FLCN: variants seen among roughly 807,000 people sequenced by gnomAD.
FLCN encodes BHD skin lesion fibrofolliculoma protein.
Under a neutral mutation model 62.5 loss-of-function variants are expected in FLCN, and 22 were observed. The observed-to-expected ratio is 0.35, with a 90% CI of 0.25 to 0.50. FLCN has a LOEUF of 0.50. FLCN is among the 20% of genes least tolerant of loss of function. The pLI is 0.97. For missense variants in FLCN, 657 were observed against 778.0 expected (o/e 0.84, Z 1.85); for synonymous variants, 319 against 310.0 (o/e 1.03, Z -0.30).
chr17:17,213,602 T>C lies in FLCN; in HGVS notation c.*53A>G. ...CAAGGGACAGTCCCTCTCACGGGGC[T>C]GGAGGATCCTGTGGACAGCCATCCC... On this transcript the variant is annotated 3_prime_UTR_variant, in exon 14 of 14. Coordinates refer to ENST00000285071, the MANE Select transcript of FLCN (RefSeq NM_144997.7). 8 of 1,609,806 alleles carry C rather than the reference T, an allele frequency of 5.0e-6. No homozygotes were observed. The highest frequency in any genetic ancestry group is 6.8e-6 in the Non-Finnish European group (8 of 1,176,246).
intron 6 of FLCN, 111 bp from the exon 7 acceptor site, chr17:17,222,772 C>T (rs748031353): frequency 7.9e-7 from 1 of 1,263,930 alleles, no homozygotes; most frequent in East Asian, 2.4e-5. Context: ...ATCAGTCCCA[C>T]TATACTCTCT....
chr17:17,215,104 CA>C lies in FLCN; in HGVS notation c.1433-15del, dbSNP rs745790223. The C allele has an allele frequency of 1.2e-6, 2 of 1,613,910 alleles. No individual in the cohort carries two copies. The highest frequency in any genetic ancestry group is 4.5e-5 in the East Asian group (2 of 44,844). ...TGGTGGGGCCCACTGGGGAGAAGGG[CA>C]GGGGCAGAGCAAGGGCAGGCGTTAG... is the stretch of plus-strand genomic sequence containing the variant. On this transcript the variant is annotated splice_polypyrimidine_tract_variant and intron_variant, in intron 12 of 13. Coordinates refer to ENST00000285071, the MANE Select transcript of FLCN (RefSeq NM_144997.7).
chr17:17,226,132 A>C (rs2047239911), intron 5 of FLCN, 44 bp downstream of exon 5: 4 of 1,613,274 alleles, frequency 2.5e-6, no homozygotes, highest in Non-Finnish European at 3.4e-6. Flanking sequence ...ACCTGGGAGC[A>C]TGTGGGCTCC....
intron 3 of FLCN, among the ~76,000 whole-genome samples, chr17:17,230,485 G>A (rs1028958695): frequency 4.6e-5 from 7 of 151,372 alleles, no homozygotes; most frequent in African/African-American, 1.7e-4. Context: ...AGCCGAGATC[G>A]CACCACGGCA....
intron 1 of FLCN, among the ~76,000 whole-genome samples, chr17:17,233,633 T>C (rs1179941843): frequency 6.9e-6 from 1 of 145,604 alleles, no homozygotes; most frequent in Non-Finnish European, 1.5e-5. Flanking sequence ...TAGCCGGGCA[T>C]GCCTCTAGTC....
chr17:17,228,205 C>T (rs2047319046), intron 3 of FLCN, 44 bp from the exon 4 acceptor site: 1 of 1,579,778 alleles, frequency 6.3e-7, no homozygotes, highest in Admixed American at 1.7e-5. Context: ...TGCCTATTGA[C>T]TCCATGAAAC....
chr17:17,227,803 G>T, intron 4 of FLCN, 86 bp downstream of exon 4: 1 of 1,596,792 alleles, frequency 6.3e-7, no homozygotes, highest in Non-Finnish European at 8.6e-7. Context: ...GTCACCCCGG[G>T]AGGCCCCGTC....
At position 17,229,999 on chromosome 17, in the gene FLCN, A is replaced by T. The variant is rs1597623309; in HGVS notation, c.-25+1795T>A. On this transcript the variant is annotated intron_variant, in intron 3 of 13. Coordinates refer to ENST00000285071, the MANE Select transcript of FLCN (RefSeq NM_144997.7). ...GCAGCATGAGGCAGTATGCCTTCCT[A>T]ACGAATGCAGGAAAGCCAGAGAAGG... Among the ~76,000 whole-genome samples, 5 of 152,304 alleles carry T rather than the reference A, an allele frequency of 3.3e-5. No individual in the cohort carries two copies. In the South Asian group the frequency reaches 1.0e-3, roughly 32 times the overall value.
At position 17,216,562 on chromosome 17, in the gene FLCN, C is replaced by G; in HGVS notation, c.1177-59G>C. On this transcript the variant is annotated intron_variant, in intron 10 of 13. Coordinates refer to ENST00000285071, the MANE Select transcript of FLCN (RefSeq NM_144997.7). This position sits in a 1 kb window ranked among gnomAD's most constrained non-coding sequence, Gnocchi z 4.0. ...CGAGGAAGCCCTCAGCCCCGGCCAT[C>G]CATGCTCTACTACCCAAACCCCACA... is the stretch of plus-strand genomic sequence containing the variant. 1 of 1,607,234 alleles carries G rather than the reference C, an allele frequency of 6.2e-7. No homozygotes were observed. Among genetic ancestry groups the G allele is most frequent in the Non-Finnish European group, 8.5e-7 (1 of 1,178,288 alleles).
intron 9 of FLCN, chr17:17,217,554 A>G (rs750572460): frequency 3.1e-4 from 109 of 357,118 alleles, no homozygotes; most frequent in Non-Finnish European, 4.8e-4. Context: ...ACCCAGGAGA[A>G]TAAGGGCATC....
Position 17,216,689 on chromosome 17 carries a change from C to G in FLCN, c.1177-186G>C, listed in dbSNP as rs372508505. ...GGGGGAGGGTCCTCCACCACCAGGT[C>G]CCTAACTCTTGTCTGGACCGCCAGT... On this transcript the variant is annotated intron_variant, in intron 10 of 13. Coordinates refer to ENST00000285071, the MANE Select transcript of FLCN (RefSeq NM_144997.7). The surrounding 1 kb of genome is among the most constrained non-coding windows in gnomAD (Gnocchi z 4.0). Among the ~76,000 whole-genome samples the G allele has an allele frequency of 6.6e-6, 1 of 152,182 alleles. No homozygotes were observed. The highest frequency in any genetic ancestry group is 1.9e-4 in the East Asian group (1 of 5,186).
At chr17:17,237,264 G>A (rs1329841141), upstream of FLCN, 4 of 152,218 alleles carry the variant, frequency 2.6e-5, no homozygotes, top group Admixed American at 6.5e-5. Flanking sequence ...CGCGAGGAGA[G>A]CCGGGCCTCC....
chr17:17,221,255 C>G, intron 8 of FLCN: 1 of 1,542,436 alleles, frequency 6.5e-7, no homozygotes, highest in Non-Finnish European at 8.7e-7. Context: ...GACGAGAAGC[C>G]TTTAATCAGC....
In FLCN at chr17:17,221,566, T is replaced by C. The variant is rs780125534; in HGVS notation, c.842A>G (p.Asp281Gly). ...GAGCTTCTCCATCTGGACCAAGGTA[T>C]CCTCGGTCGGAGCACCTTCCAGGAG... Reference protein sequence around the residue: ...EKLLEGAPTEDTLVQMEKLAD... With the variant: ...EKLLEGAPTEGTLVQMEKLAD... Residue 281 changes from aspartate (D) to glycine (G), a missense_variant, in exon 8 of 14, where the codon GAT (aspartate) becomes GGT (glycine). Physicochemically the swap from Asp to Gly is moderately conservative, Grantham distance 94. Coordinates refer to ENST00000285071, the MANE Select transcript of FLCN (RefSeq NM_144997.7). The C allele has an allele frequency of 2.5e-6, 4 of 1,612,268 alleles. No homozygotes were observed. Among genetic ancestry groups the C allele is most frequent in the Non-Finnish European group, 3.4e-6 (4 of 1,179,994 alleles).
intron 3 of FLCN, among the ~76,000 whole-genome samples, chr17:17,229,720 T>C (rs1024422240): frequency 3.3e-5 from 5 of 152,160 alleles, no homozygotes; most frequent in African/African-American, 4.8e-5. Context: ...TGCAGAACAA[T>C]GATGAAGTCA....
chr17:17,233,351 A>C (rs2047477559), intron 1 of FLCN, among the ~76,000 whole-genome samples: 1 of 152,050 alleles, frequency 6.6e-6, no homozygotes, highest in African/African-American at 2.4e-5. Flanking sequence ...TAACCCCGGC[A>C]CTTTGGGAGG....
rs765183453 is a variant in FLCN, at chr17:17,218,998, C to T, written c.1062+21G>A. On this transcript the variant is annotated intron_variant, in intron 9 of 13. Transcript: ENST00000285071. ...TGGCTCTCCTCCTGAGCTCCTGATGCGCTGTGCCCCTGCCGCCTACCTGCC... is the reference window on the plus strand; with the variant it reads ...TGGCTCTCCTCCTGAGCTCCTGATGTGCTGTGCCCCTGCCGCCTACCTGCC... 1.4e-5 allele frequency: 23 copies of T among 1,611,516 alleles called. No homozygotes were observed. Among genetic ancestry groups the T allele is most frequent in the South Asian group, 4.4e-5 (4 of 91,000 alleles).
intron 11 of FLCN, 29 bp from the exon 12 acceptor site, chr17:17,215,345 C>T: frequency 6.2e-7 from 1 of 1,612,636 alleles, no homozygotes. Flanking sequence ...CGTGGCTCCT[C>T]ATCTCCCCCA....
At chr17:17,226,941 T>G (rs1197328100) in intron 4 of FLCN, among the ~76,000 whole-genome samples, 1 of 152,268 alleles carries the variant, frequency 6.6e-6, no homozygotes, top group East Asian at 1.9e-4. Context: ...CGGCAGTGCG[T>G]CAGCAAGACT....
Sources: allele counts gnomAD v4.1 joint callset (sites outside exome capture counted in the v4.1 genomes callset), GRCh38; gene constraint gnomAD v4.1.1; non-coding constraint Gnocchi (gnomAD v3.1); transcripts MANE v1.5; gene names NCBI Gene and HGNC (gene_info 2026-07-23, HGNC 2026-07-21).